Variants in LRP6 observed in about 807,000 individuals in gnomAD.
LRP6 encodes the protein low-density lipoprotein receptor-related protein 6.
A neutral mutation model predicts 184.1 loss-of-function variants in LRP6; 43 were observed. That is an observed-to-expected ratio of 0.23 (90% CI 0.18 to 0.30). LRP6 has a LOEUF of 0.30. Among genes scored for constraint, LRP6 ranks in the 10% least tolerant of loss-of-function variants. LRP6 has a pLI of 1.00. For missense variants in LRP6, 1,571 were observed against 2,005.3 expected, an observed-to-expected ratio of 0.78 and a Z score of 4.14; for synonymous variants, 719 against 684.9, an observed-to-expected ratio of 1.05 and a Z score of -0.78.
intron 2 of LRP6, among the ~76,000 whole-genome samples, chr12:12,224,130 A>G (rs76948159): frequency 0.028 from 4,236 of 152,274 alleles, 176 homozygotes; most frequent in African/African-American, 0.097. Context: ...ATACAATTAG[A>G]TTCTTCTGTC....
At chr12:12,219,334 T>C (rs1864427362) in intron 2 of LRP6, among the ~76,000 whole-genome samples, 1 of 152,114 alleles carries the variant, frequency 6.6e-6, no homozygotes, top group African/African-American at 2.4e-5. Context: ...GCCTCCCAAG[T>C]AGCTGGGACT....
chr12:12,162,104 T>G (rs1049899349), intron 10 of LRP6, 89 bp downstream of exon 10: 20 of 1,021,160 alleles, frequency 2.0e-5, no homozygotes, highest in Admixed American at 8.9e-5. Context: ...ACGTATTATT[T>G]AAAACATTAA....
At chr12:12,168,888 T>C (rs1862955487) in intron 7 of LRP6, among the ~76,000 whole-genome samples, 1 of 152,110 alleles carries the variant, frequency 6.6e-6, no homozygotes, top group Non-Finnish European at 1.5e-5. Context: ...TCACCTCTAC[T>C]TGGGTTCAGG....
At chr12:12,177,639 G>A (rs1339392086) in intron 7 of LRP6, among the ~76,000 whole-genome samples, 3 of 152,038 alleles carry the variant, frequency 2.0e-5, no homozygotes, top group South Asian at 2.1e-4. Flanking sequence ...TTTCCTAGAC[G>A]TGCCTATGTA....
intron 1 of LRP6, among the ~76,000 whole-genome samples, chr12:12,250,132 C>T (rs1004028794): frequency 6.6e-6 from 1 of 152,062 alleles, no homozygotes; most frequent in Admixed American, 6.6e-5. Flanking sequence ...TCCTTTTCTA[C>T]TTCTAATACT....
rs567315765 is a variant in LRP6, at chr12:12,119,987, C to CAAACAAACAAACAAACAAAAAAAA, written c.*1138_*1139insTTTTTTTTGTTTGTTTGTTTGTTT. On this transcript the variant is annotated 3_prime_UTR_variant, in exon 23 of 23. Coordinates refer to ENST00000261349, the MANE Select transcript of LRP6 (RefSeq NM_002336.3). ...TTTACTCAGAAAACAAACAAACAAA[C>CAAACAAACAAACAAACAAAAAAAA]AAAATATATATATATATATATATAT... 7.0e-5 allele frequency: 3 copies of CAAACAAACAAACAAACAAAAAAAA among 42,938 alleles called. No individual in the cohort carries two copies. Among genetic ancestry groups the CAAACAAACAAACAAACAAAAAAAA allele is most frequent in the Non-Finnish European group, 1.4e-4 (3 of 22,140 alleles). The allele number at this position is 42,938 out of a possible 1,614,324, so 2.7% of individuals were successfully genotyped here. A position where few individuals can be genotyped will look rare whatever the true frequency, so the allele number is the denominator to read the frequency against.
chr12:12,155,533 G>T, intron 12 of LRP6: 1 of 753,894 alleles, frequency 1.3e-6, no homozygotes. Flanking sequence ...GAATTAATAT[G>T]CATATTCAGC....
At position 12,196,764 on chromosome 12, in the gene LRP6, T is replaced by TA. The variant is rs367706708; in HGVS notation, c.647+6438dup. On this transcript the variant is annotated intron_variant, in intron 3 of 22. Transcript: ENST00000261349. ...GTATTTCCTACAAATGGCCAGCTGA[T>TA]ATACAGCCTTGACCAGACTCATGAT... 2.4e-3 allele frequency among the ~76,000 whole-genome samples: 373 copies of TA among 152,328 alleles called. 1 individual carries two copies. The highest frequency in any genetic ancestry group is 8.1e-3 in the African/African-American group (338 of 41,574).
intron 2 of LRP6, among the ~76,000 whole-genome samples, chr12:12,204,628 A>G (rs1382866716): frequency 6.6e-6 from 1 of 152,102 alleles, no homozygotes; most frequent in Admixed American, 6.5e-5. Flanking sequence ...GATGTAAAAG[A>G]AAAACTCTCT....
At chr12:12,239,433 A>T (rs1865004968) in intron 2 of LRP6, among the ~76,000 whole-genome samples, 2 of 152,240 alleles carry the variant, frequency 1.3e-5, no homozygotes, top group Admixed American at 1.3e-4. Flanking sequence ...TACAAAACTC[A>T]ATAAGCTTAA....
chr12:12,241,378 C>T (rs1260923882), intron 2 of LRP6, among the ~76,000 whole-genome samples: 1 of 152,140 alleles, frequency 6.6e-6, no homozygotes, highest in African/African-American at 2.4e-5. Context: ...CAACTAAAAC[C>T]ACAATCCACG....
chr12:12,266,702 T>G lies in LRP6; in HGVS notation c.34A>C (p.Ser12Arg). The G allele has an allele frequency of 6.2e-7, 1 of 1,612,826 alleles. No individual in the cohort carries two copies. The highest frequency in any genetic ancestry group is 8.5e-7 in the Non-Finnish European group (1 of 1,179,742). ...GAVLRSLLAC[S>R]FCVLLRAAPL... ...CCACCTCTCAGGAGCACACAGAAGC[T>G]GCAGGCCAGGAGGCTCCTCAGGACG... The change falls in exon 1 of 23, where the codon AGC (serine) becomes CGC (arginine). Residue 12 changes from serine to arginine, a missense_variant. Around this residue, in one of 4 missense-constraint regions of LRP6, gnomAD observed 640 missense variants for 851.9 expected, o/e 0.75. Transcript: ENST00000261349.
chr12:12,250,954 G>A (rs931292335), intron 1 of LRP6, among the ~76,000 whole-genome samples: 3 of 142,016 alleles, frequency 2.1e-5, no homozygotes, highest in Admixed American at 1.4e-4. Context: ...TTTTCGAGAT[G>A]GGGTTTCGCT....
chr12:12,257,456 C>T (rs368219831), intron 1 of LRP6, among the ~76,000 whole-genome samples: 1 of 151,674 alleles, frequency 6.6e-6, no homozygotes, highest in African/African-American at 2.4e-5. Context: ...TGGTGGGCGC[C>T]TGTAGTCCCA....
At chr12:12,181,515 G>GA (rs2136992433) in intron 5 of LRP6, 76 bp from the exon 6 acceptor site, 1 of 803,782 alleles carries the variant, frequency 1.2e-6, no homozygotes, top group Non-Finnish European at 2.2e-6. Context: ...AAAGAATCAA[G>GA]AACTGAAAAA....
intron 2 of LRP6, among the ~76,000 whole-genome samples, chr12:12,232,258 C>G (rs2135893950): frequency 6.6e-6 from 1 of 151,816 alleles, no homozygotes; most frequent in Non-Finnish European, 1.5e-5. Flanking sequence ...GTGGCGGGTG[C>G]CTGTAGTCCC....
intron 22 of LRP6, among the ~76,000 whole-genome samples, chr12:12,123,579 G>A (rs776854055): frequency 9.2e-5 from 14 of 152,164 alleles, no homozygotes; most frequent in Non-Finnish European, 1.5e-4. Flanking sequence ...GGCACTTGAG[G>A]GATGCCCATG....
chr12:12,239,414 T>C (rs1865004174), intron 2 of LRP6, among the ~76,000 whole-genome samples: 1 of 152,122 alleles, frequency 6.6e-6, no homozygotes, highest in Non-Finnish European at 1.5e-5. Context: ...GGTAGGACAA[T>C]GGAAACAGTA....
At chr12:12,218,892 T>C (rs532379499) in intron 2 of LRP6, among the ~76,000 whole-genome samples, 37 of 152,138 alleles carry the variant, frequency 2.4e-4, no homozygotes, top group African/African-American at 8.4e-4. Flanking sequence ...AGAGAGAAAC[T>C]GAAACCCTCA....
Sources: allele counts gnomAD v4.1 joint callset (sites outside exome capture counted in the v4.1 genomes callset), GRCh38; gene constraint gnomAD v4.1.1; regional missense constraint gnomAD v4.1.1; transcripts MANE v1.5; gene names NCBI Gene and HGNC (gene_info 2026-07-23, HGNC 2026-07-21).